Variants in NR3C2 observed in about 807,000 individuals in gnomAD.
NR3C2 encodes mineralocorticoid receptor.
NR3C2 carries 15 observed loss-of-function variants against 86.4 expected under a neutral mutation model. The ratio of observed to expected loss-of-function variants is 0.17; its 90% CI spans 0.12 to 0.27. The LOEUF (loss-of-function observed/expected upper bound fraction) is 0.27, where lower values mean the gene tolerates loss of function less well. Among genes scored for constraint, NR3C2 ranks in the 10% least tolerant of loss-of-function variants. The pLI is 1.00. For missense variants in NR3C2, 960 were observed against 1,195.6 expected (o/e 0.80, Z 2.91); for synonymous variants, 458 against 450.5 (o/e 1.02, Z -0.21).
At chr4:148,432,931 C>G (rs751394970) in intron 2 of NR3C2, among the ~76,000 whole-genome samples, 3 of 152,048 alleles carry the variant, frequency 2.0e-5, no homozygotes, top group African/African-American at 7.2e-5. Flanking sequence ...TATCAAATCA[C>G]GTTAAAGCTT....
chr4:148,436,110 G>A lies in NR3C2; in HGVS notation c.751C>T (p.Pro251Ser). 2 of 1,614,142 alleles carry A rather than the reference G, an allele frequency of 1.2e-6. No individual in the cohort carries two copies. Among genetic ancestry groups the A allele is most frequent in the Non-Finnish European group, 1.7e-6 (2 of 1,180,022 alleles). ...VENRGSRSHSPAHASNVGSPL... is the reference protein window; with the variant it reads ...VENRGSRSHSSAHASNVGSPL... ...GAGCCCACATTGCTAGCATGTGCAG[G>A]GCTGTGCGACCTGGAGCCTCGATTT... The change falls in exon 2 of 9, where the codon CCT becomes TCT. Residue 251 changes from proline (P) to serine (S), a missense_variant. Around this residue, in one of 4 missense-constraint regions of NR3C2, gnomAD observed 680 missense variants for 719.0 expected, o/e 0.95. Coordinates refer to ENST00000358102, the MANE Select transcript of NR3C2 (RefSeq NM_000901.5).
chr4:148,398,146 T>C (rs903111896), intron 2 of NR3C2, among the ~76,000 whole-genome samples: 4 of 152,216 alleles, frequency 2.6e-5, no homozygotes, highest in Non-Finnish European at 5.9e-5. Context: ...AAATTCAGGA[T>C]TCCCTCATCC....
chr4:148,217,872 C>G (rs1180485068), intron 3 of NR3C2, among the ~76,000 whole-genome samples: 1 of 152,192 alleles, frequency 6.6e-6, no homozygotes, highest in Non-Finnish European at 1.5e-5. Context: ...TGGACTGCAG[C>G]CTTCGTAATG....
chr4:148,296,020 G>C (rs1742031550), intron 2 of NR3C2, among the ~76,000 whole-genome samples: 1 of 122,618 alleles, frequency 8.2e-6, no homozygotes, highest in Non-Finnish European at 1.6e-5. Context: ...TTAATGCAGA[G>C]AGGTCCTTAA....
chr4:148,337,256 C>A (rs1744540446), intron 2 of NR3C2, among the ~76,000 whole-genome samples: 1 of 152,162 alleles, frequency 6.6e-6, no homozygotes, highest in African/African-American at 2.4e-5. Context: ...TTTTCAGTGG[C>A]ATGGGAAGAG....
intron 6 of NR3C2, among the ~76,000 whole-genome samples, chr4:148,150,389 G>C (rs957707638): frequency 3.9e-5 from 6 of 152,010 alleles, no homozygotes; most frequent in Admixed American, 2.6e-4. Flanking sequence ...ATAGCCAGCA[G>C]AACCATAACT....
intron 6 of NR3C2, among the ~76,000 whole-genome samples, chr4:148,134,045 A>G (rs553321292): frequency 7.9e-5 from 12 of 152,336 alleles, no homozygotes; most frequent in African/African-American, 2.9e-4. Flanking sequence ...TGGATGCCAC[A>G]ATTCTGTAGG....
chr4:148,399,562 A>C (rs1748034468), intron 2 of NR3C2, among the ~76,000 whole-genome samples: 1 of 152,130 alleles, frequency 6.6e-6, no homozygotes, highest in South Asian at 2.1e-4. Flanking sequence ...AGAAAATAAA[A>C]TAATTTTAAC....
At chr4:148,436,918 A>C (rs1750111198) in intron 1 of NR3C2, 56 bp from the exon 2 acceptor site, 1 of 1,363,034 alleles carries the variant, frequency 7.3e-7, no homozygotes, top group Non-Finnish European at 1.0e-6. Flanking sequence ...TATTACTCTA[A>C]AAGACATTCT....
At chr4:148,442,684 C>G (rs954212141), upstream of NR3C2, 1 of 985,400 alleles carries the variant, frequency 1.0e-6, no homozygotes. Context: ...ATGACTGATA[C>G]AAAGTTGCTG....
intron 6 of NR3C2, among the ~76,000 whole-genome samples, chr4:148,137,773 AT>A (rs1578926517): frequency 6.6e-6 from 1 of 152,014 alleles, no homozygotes; most frequent in African/African-American, 2.4e-5. Context: ...GTGAGGCTAA[AT>A]TTTTTTCATA....
chr4:148,145,487 A>C (rs1733825095), intron 6 of NR3C2, among the ~76,000 whole-genome samples: 1 of 152,176 alleles, frequency 6.6e-6, no homozygotes, highest in Admixed American at 6.5e-5. Context: ...ACTTCCTTTC[A>C]TTCCTGCTCA....
intron 2 of NR3C2, among the ~76,000 whole-genome samples, chr4:148,344,575 T>C (rs1384659267): frequency 6.6e-6 from 1 of 152,150 alleles, no homozygotes; most frequent in Non-Finnish European, 1.5e-5. Flanking sequence ...GAATGTTAGC[T>C]GCTATTAGCA....
At chr4:148,172,533 C>T (rs1301397691) in intron 4 of NR3C2, among the ~76,000 whole-genome samples, 1 of 152,074 alleles carries the variant, frequency 6.6e-6, no homozygotes, top group African/African-American at 2.4e-5. Context: ...TGTTAAAATA[C>T]CATCGTTTGG....
intron 2 of NR3C2, among the ~76,000 whole-genome samples, chr4:148,381,190 T>C (rs758632588): frequency 1.5e-4 from 23 of 150,208 alleles, no homozygotes; most frequent in Non-Finnish European, 2.7e-4. Context: ...ATCACACCAC[T>C]GCACTCCAGC....
intron 6 of NR3C2, among the ~76,000 whole-genome samples, chr4:148,138,066 C>T (rs1045485700): frequency 2.0e-5 from 3 of 152,086 alleles, no homozygotes; most frequent in Non-Finnish European, 4.4e-5. Context: ...AAGAAAAGCT[C>T]GTTAGGATTC....
intron 4 of NR3C2, among the ~76,000 whole-genome samples, chr4:148,181,634 C>T (rs1735650354): frequency 2.0e-5 from 3 of 152,194 alleles, no homozygotes; most frequent in Admixed American, 2.0e-4. Flanking sequence ...CTACACAAAG[C>T]AGAAAATTCT....
At chr4:148,320,704 T>C (rs1348452887) in intron 2 of NR3C2, among the ~76,000 whole-genome samples, 10 of 152,068 alleles carry the variant, frequency 6.6e-5, no homozygotes, top group Non-Finnish European at 1.2e-4. Context: ...TTTGTATTTC[T>C]GTGAGATTGG....
chr4:148,241,006 T>G (rs1241434270), intron 3 of NR3C2, among the ~76,000 whole-genome samples: 2 of 152,042 alleles, frequency 1.3e-5, no homozygotes, highest in African/African-American at 4.8e-5. Context: ...CCAACGCCTT[T>G]AGAAAAAAAT....
Sources: allele counts gnomAD v4.1 joint callset (sites outside exome capture counted in the v4.1 genomes callset), GRCh38; gene constraint gnomAD v4.1.1; regional missense constraint gnomAD v4.1.1; transcripts MANE v1.5; gene names NCBI Gene and HGNC (gene_info 2026-07-23, HGNC 2026-07-21).